Variants in ITPR2 observed in about 807,000 individuals in gnomAD.
The protein encoded by ITPR2 is inositol 1,4,5-trisphosphate-gated calcium channel ITPR2.
A neutral mutation model predicts 317.1 loss-of-function variants in ITPR2; 207 were observed. The observed-to-expected ratio is 0.65, with a 90% confidence interval of 0.58 to 0.73. The LOEUF (loss-of-function observed/expected upper bound fraction) is 0.73. Among genes scored for constraint, ITPR2 ranks in the 30% least tolerant of loss-of-function variants. The pLI is 0.00. For synonymous variants in ITPR2, 1,156 were observed against 1,149.1 expected, an observed-to-expected ratio of 1.01 and a Z score of -0.12; for missense variants, 2,613 against 3,284.0, an observed-to-expected ratio of 0.80 and a Z score of 4.99.
chr12:26,628,665 T>G (rs982920982), intron 22 of ITPR2, among the ~76,000 whole-genome samples: 13 of 152,300 alleles, frequency 8.5e-5, no homozygotes, highest in Admixed American at 7.2e-4. Flanking sequence ...CTCACTGGTG[T>G]TTGTGTTTCC....
chr12:26,633,706 G>C (rs1263946961), intron 21 of ITPR2, among the ~76,000 whole-genome samples: 1 of 152,302 alleles, frequency 6.6e-6, no homozygotes, highest in African/African-American at 2.4e-5. Context: ...GGACTGCAGG[G>C]AGGCACATCT....
chr12:26,721,610 G>T (rs78693338), intron 5 of ITPR2, among the ~76,000 whole-genome samples: 5 of 151,896 alleles, frequency 3.3e-5, no homozygotes, highest in African/African-American at 1.2e-4. Flanking sequence ...CCTGAGCATC[G>T]TCCATGTGCT....
chr12:26,352,746 G>A (rs1373450937), intron 55 of ITPR2, among the ~76,000 whole-genome samples: 1 of 152,210 alleles, frequency 6.6e-6, no homozygotes, highest in South Asian at 2.1e-4. Flanking sequence ...CATGATTAAT[G>A]TGAACAGACA....
rs113447113 is a variant in ITPR2, at chr12:26,451,048, T to C, written c.6343-7398A>G. ...CCCTAGTCAAACAGAGTTGTCCATA[T>C]TATCTTGAGCAGATTTTGGTATATA... is the stretch of plus-strand genomic sequence containing the variant. On this transcript the variant is annotated intron_variant, in intron 45 of 56. Transcript: ENST00000381340. 5.2e-3 allele frequency among the ~76,000 whole-genome samples: 797 copies of C among 152,258 alleles called. 2 individuals are homozygous for C. The highest frequency in any genetic ancestry group is 9.1e-3 in the Non-Finnish European group (618 of 68,018).
intron 21 of ITPR2, among the ~76,000 whole-genome samples, chr12:26,642,319 T>C (rs1240906856): frequency 1.3e-5 from 2 of 152,198 alleles, no homozygotes; most frequent in Non-Finnish European, 2.9e-5. Flanking sequence ...ATCTCCAATG[T>C]TGTGAAGTTG....
intron 18 of ITPR2, among the ~76,000 whole-genome samples, chr12:26,657,026 A>T (rs765374840): frequency 6.6e-6 from 1 of 152,210 alleles, no homozygotes; most frequent in Non-Finnish European, 1.5e-5. Flanking sequence ...TGAGATTAAG[A>T]ATTAGCCTTT....
At position 26,686,633 on chromosome 12, in the gene ITPR2, C is replaced by T. The variant is rs1366123676; in HGVS notation, c.997-1G>A. 2 of 1,603,152 alleles carry T rather than the reference C, an allele frequency of 1.2e-6. No homozygotes were observed. The highest frequency in any genetic ancestry group is 1.7e-5 in the Admixed American group (1 of 57,982). The stretch of plus-strand genomic sequence containing the variant: ...TTGAAGTTGGAGGGACTCCATCTCT[C>T]TGTTGAGGAAGTACAAGTTTATTTA... On this transcript the variant is annotated splice_acceptor_variant, in intron 10 of 56. Transcript: ENST00000381340. LOFTEE classifies it high-confidence loss of function.
chr12:26,682,486 TA>T, intron 12 of ITPR2, 87 bp downstream of exon 12: 1 of 796,710 alleles, frequency 1.3e-6, no homozygotes, highest in Non-Finnish European at 2.1e-6. Flanking sequence ...AGATGGAGTA[TA>T]AGGAACATGT....
intron 13 of ITPR2, among the ~76,000 whole-genome samples, chr12:26,678,476 A>T (rs1223776394): frequency 6.6e-6 from 1 of 152,160 alleles, no homozygotes; most frequent in African/African-American, 2.4e-5. Context: ...GATAATAATC[A>T]CTTCATTTTC....
rs541070310 is a variant in ITPR2, at chr12:26,641,373, C to T, written c.2741-9314G>A. Among the ~76,000 whole-genome samples the T allele has an allele frequency of 2.6e-5, 4 of 151,192 alleles. No individual in the cohort carries two copies. The South Asian group carries it at 8.4e-4, about 32-fold the overall frequency. On this transcript the variant is annotated intron_variant, in intron 21 of 56. Transcript: ENST00000381340. ...GAAAAAGTAGAAAAGAGTCTTTGCA[C>T]ATGAGGAAGTCAACTGTGTATAAAG... is the stretch of plus-strand genomic sequence containing the variant.
At chr12:26,697,016 G>A (rs138122200) in intron 9 of ITPR2, among the ~76,000 whole-genome samples, 46 of 152,330 alleles carry the variant, frequency 3.0e-4, no homozygotes, top group African/African-American at 1.1e-3. Context: ...AAGGAATGCC[G>A]TATGCTGGAA....
chr12:26,410,508 AC>A (rs1404864659), intron 52 of ITPR2, among the ~76,000 whole-genome samples: 1 of 152,120 alleles, frequency 6.6e-6, no homozygotes, highest in Non-Finnish European at 1.5e-5. Context: ...CCAGATGGAA[AC>A]TGGGGAACTC....
chr12:26,718,247 C>T (rs1420746718), intron 5 of ITPR2, among the ~76,000 whole-genome samples: 3 of 152,052 alleles, frequency 2.0e-5, no homozygotes, highest in African/African-American at 7.2e-5. Context: ...GTTCCCCTCT[C>T]TGTGTCCATG....
chr12:26,402,054 T>A (rs1478978969), intron 52 of ITPR2, among the ~76,000 whole-genome samples: 1 of 151,920 alleles, frequency 6.6e-6, no homozygotes, highest in African/African-American at 2.4e-5. Context: ...AGGGAAGAGG[T>A]AGGGCCTGTG....
At chr12:26,562,878 G>C (rs1470022645) in intron 34 of ITPR2, among the ~76,000 whole-genome samples, 1 of 150,576 alleles carries the variant, frequency 6.6e-6, no homozygotes, top group Non-Finnish European at 1.5e-5. Context: ...TAACAAACCT[G>C]CACGTTGTGC....
intron 48 of ITPR2, among the ~76,000 whole-genome samples, chr12:26,430,375 T>C (rs1298593068): frequency 6.6e-6 from 1 of 152,214 alleles, no homozygotes; most frequent in Non-Finnish European, 1.5e-5. Context: ...GTGATTCTCC[T>C]GCCTCAGCCT....
chr12:26,571,985 T>C (rs1251360433), intron 34 of ITPR2, among the ~76,000 whole-genome samples: 1 of 152,236 alleles, frequency 6.6e-6, no homozygotes, highest in Non-Finnish European at 1.5e-5. Flanking sequence ...TAATTGATCT[T>C]TACATTGACA....
intron 45 of ITPR2, among the ~76,000 whole-genome samples, chr12:26,459,423 A>G (rs1456996423): frequency 6.6e-6 from 1 of 152,182 alleles, no homozygotes; most frequent in Non-Finnish European, 1.5e-5. Context: ...AGTAAATCCC[A>G]CAGCGTTCTC....
chr12:26,828,703 C>A (rs1339138914), intron 1 of ITPR2, among the ~76,000 whole-genome samples: 1 of 152,190 alleles, frequency 6.6e-6, no homozygotes, highest in Non-Finnish European at 1.5e-5. Flanking sequence ...GATTCCCAAC[C>A]TTGAAAACCA....
Sources: allele counts gnomAD v4.1 joint callset (sites outside exome capture counted in the v4.1 genomes callset), GRCh38; gene constraint gnomAD v4.1.1; transcripts MANE v1.5; gene names NCBI Gene and HGNC (gene_info 2026-07-23, HGNC 2026-07-21).